Variants in GALNTL6 observed in about 807,000 individuals in gnomAD.
GALNTL6 encodes the protein polypeptide N-acetylgalactosaminyltransferase-like 6.
In GALNTL6, 46 loss-of-function variants were observed where a neutral mutation model predicts 73.7. That is an observed-to-expected ratio of 0.62 (90% CI 0.49 to 0.80). The LOEUF is 0.80. GALNTL6 is among the 30% of genes least tolerant of loss of function. GALNTL6 has a pLI of 0.00. For synonymous variants in GALNTL6, 259 were observed against 263.7 expected (o/e 0.98, Z 0.17); for missense variants, 604 against 755.0 (o/e 0.80, Z 2.34).
intron 2 of GALNTL6, among the ~76,000 whole-genome samples, chr4:172,034,473 A>G (rs1741875498): frequency 6.6e-6 from 1 of 150,872 alleles, no homozygotes; most frequent in Non-Finnish European, 1.5e-5. Flanking sequence ...AAATAGAAAC[A>G]TGCAATCTTG....
chr4:171,955,674 A>T (rs1739021925), intron 2 of GALNTL6, among the ~76,000 whole-genome samples: 1 of 152,162 alleles, frequency 6.6e-6, no homozygotes, highest in Non-Finnish European at 1.5e-5. Context: ...TGTTTAGTAC[A>T]GATGCAAATT....
intron 5 of GALNTL6, among the ~76,000 whole-genome samples, chr4:172,742,176 C>T (rs570432717): frequency 9.9e-4 from 151 of 151,878 alleles, no homozygotes; most frequent in African/African-American, 3.3e-3. Context: ...CTTTAGATAA[C>T]GGGATAGTTC....
At chr4:172,965,748 T>C (rs540660960) in intron 10 of GALNTL6, among the ~76,000 whole-genome samples, 3 of 152,316 alleles carry the variant, frequency 2.0e-5, no homozygotes, top group African/African-American at 7.2e-5. Context: ...CAATATTTTT[T>C]TTCTTCTCCT....
At chr4:172,441,796 A>T (rs1370701923) in intron 5 of GALNTL6, among the ~76,000 whole-genome samples, 1 of 152,150 alleles carries the variant, frequency 6.6e-6, no homozygotes, top group African/African-American at 2.4e-5. Context: ...TAATCTGTAC[A>T]TGAAACTACC....
chr4:172,440,477 G>A (rs1466434701), intron 5 of GALNTL6, among the ~76,000 whole-genome samples: 2 of 152,092 alleles, frequency 1.3e-5, no homozygotes, highest in Non-Finnish European at 2.9e-5. Context: ...CTGAGGGTTG[G>A]GGTATTGGGA....
chr4:172,773,307 C>T (rs1738884410), intron 5 of GALNTL6, among the ~76,000 whole-genome samples: 1 of 152,118 alleles, frequency 6.6e-6, no homozygotes, highest in South Asian at 2.1e-4. Flanking sequence ...CTCAAGTGAT[C>T]CTCCTGCCTC....
At chr4:172,740,200 G>C (rs554232867) in intron 5 of GALNTL6, among the ~76,000 whole-genome samples, 1 of 151,934 alleles carries the variant, frequency 6.6e-6, no homozygotes, top group Non-Finnish European at 1.5e-5. Context: ...CTTCCACATT[G>C]ACCAAGAACC....
At chr4:172,478,560 G>A (rs2111476831) in intron 5 of GALNTL6, among the ~76,000 whole-genome samples, 2 of 152,232 alleles carry the variant, frequency 1.3e-5, no homozygotes, top group South Asian at 4.1e-4. Context: ...AAAAATTCTA[G>A]GAGAAACCCT....
chr4:171,872,330 T>A (rs1157932197), intron 2 of GALNTL6, among the ~76,000 whole-genome samples: 2 of 152,122 alleles, frequency 1.3e-5, no homozygotes, highest in African/African-American at 4.8e-5. Context: ...ATTTTATATA[T>A]TATATACATA....
chr4:172,953,199 A>G (rs535383648), intron 10 of GALNTL6, among the ~76,000 whole-genome samples: 1 of 152,340 alleles, frequency 6.6e-6, no homozygotes, highest in South Asian at 2.1e-4. Flanking sequence ...CAAATTTAAA[A>G]TATCTATCTT....
At position 172,039,785 on chromosome 4, in the gene GALNTL6, T is replaced by C. The variant is rs541010117; in HGVS notation, c.139-189871T>C. ...CATAAGGTTAACATGCAATTGTCAG[T>C]ACCTATAAAGGGATAAACCTCAGGA... is the stretch of plus-strand genomic sequence containing the variant. On this transcript the variant is annotated intron_variant, in intron 2 of 12. Coordinates refer to ENST00000506823, the MANE Select transcript of GALNTL6 (RefSeq NM_001034845.3). 5.6e-4 allele frequency among the ~76,000 whole-genome samples: 85 copies of C among 152,268 alleles called. 1 individual carries two copies. Among genetic ancestry groups the C allele is most frequent in the South Asian group, 2.1e-4 (1 of 4,826 alleles).
At chr4:171,989,181 C>A (rs188008018) in intron 2 of GALNTL6, among the ~76,000 whole-genome samples, 205 of 152,086 alleles carry the variant, frequency 1.3e-3, no homozygotes, top group African/African-American at 4.5e-3. Flanking sequence ...GAGTGAGTAG[C>A]CTCCGTATTG....
intron 5 of GALNTL6, among the ~76,000 whole-genome samples, chr4:172,783,473 C>A (rs1453668398): frequency 6.8e-6 from 1 of 146,348 alleles, no homozygotes. Flanking sequence ...TAATATTATA[C>A]ACTATTAATA....
intron 5 of GALNTL6, among the ~76,000 whole-genome samples, chr4:172,552,987 T>C (rs1307808723): frequency 6.6e-6 from 1 of 152,128 alleles, no homozygotes; most frequent in Non-Finnish European, 1.5e-5. Context: ...TGTATAGCTA[T>C]AGTGTATTTT....
intron 8 of GALNTL6, among the ~76,000 whole-genome samples, chr4:172,920,599 G>T (rs1006996110): frequency 2.6e-5 from 4 of 152,036 alleles, no homozygotes; most frequent in African/African-American, 7.2e-5. Context: ...TATTTATATA[G>T]AGAGTGCTGT....
intron 5 of GALNTL6, among the ~76,000 whole-genome samples, chr4:172,414,723 CTCCG>C (rs1744563016): frequency 2.0e-5 from 3 of 152,154 alleles, no homozygotes; most frequent in Admixed American, 1.3e-4. Context: ...TAAAACTTAA[CTCCG>C]TCACCTACTG....
intron 5 of GALNTL6, among the ~76,000 whole-genome samples, chr4:172,364,184 A>C (rs1159565373): frequency 6.6e-6 from 1 of 152,174 alleles, no homozygotes; most frequent in Non-Finnish European, 1.5e-5. Flanking sequence ...CTCTGTGGGG[A>C]GCCAAAGGCA....
chr4:172,272,682 G>A (rs140830798), intron 3 of GALNTL6, among the ~76,000 whole-genome samples: 65 of 152,238 alleles, frequency 4.3e-4, no homozygotes, highest in African/African-American at 1.5e-3. Context: ...GTAAATAAAT[G>A]TGTAGAAAAT....
intron 5 of GALNTL6, among the ~76,000 whole-genome samples, chr4:172,745,983 A>G (rs1737088034): frequency 6.6e-6 from 1 of 152,062 alleles, no homozygotes; most frequent in African/African-American, 2.4e-5. Flanking sequence ...CTGCTTACCA[A>G]TCATGTTACA....
Sources: gnomAD v4.1 joint callset for allele counts (sites outside exome capture counted in the v4.1 genomes callset) on GRCh38, gnomAD v4.1.1 for gene constraint, MANE v1.5 for transcripts, NCBI Gene and HGNC (gene_info 2026-07-23, HGNC 2026-07-21) for gene names.